Variants in WDFY3 observed in about 807,000 individuals in gnomAD.
WDFY3 encodes WD repeat and FYVE domain containing 3, also known as WD repeat and FYVE domain-containing protein 3.
WDFY3 carries 66 observed loss-of-function variants against 409.6 expected under a neutral mutation model. That is an observed-to-expected ratio of 0.16 (90% CI 0.13 to 0.20). The LOEUF is 0.20. Ranked by LOEUF, WDFY3 falls within the 10% of genes least tolerant of loss-of-function variation. The pLI, the probability that WDFY3 is intolerant of heterozygous loss-of-function variation, is 1.00. For synonymous variants in WDFY3, 1,521 were observed against 1,537.1 expected (o/e 0.99, Z 0.25); for missense variants, 3,031 against 4,298.1 (o/e 0.71, Z 8.24).
At chr4:84,960,613 G>A (rs976588366) in intron 1 of WDFY3, among the ~76,000 whole-genome samples, 3 of 152,054 alleles carry the variant, frequency 2.0e-5, no homozygotes, top group African/African-American at 4.8e-5. Context: ...CTTATTTACA[G>A]TCTAACATGA....
At chr4:84,858,345 C>G (rs1468899617) in intron 4 of WDFY3, among the ~76,000 whole-genome samples, 8 of 152,018 alleles carry the variant, frequency 5.3e-5, no homozygotes, top group African/African-American at 1.9e-4. Context: ...GATACCACCA[C>G]AAATCAAAGA....
intron 3 of WDFY3, among the ~76,000 whole-genome samples, chr4:84,886,639 G>A (rs529705346): frequency 6.6e-6 from 1 of 152,102 alleles, no homozygotes; most frequent in Non-Finnish European, 1.5e-5. Context: ...GTATTTGTAG[G>A]AATATTTAGA....
intron 2 of WDFY3, among the ~76,000 whole-genome samples, chr4:84,915,950 A>T (rs1180195462): frequency 6.6e-6 from 1 of 152,208 alleles, no homozygotes; most frequent in Non-Finnish European, 1.5e-5. Flanking sequence ...CCACAAACTA[A>T]TGAAGAACCT....
chr4:84,698,210 T>C (rs1459219242), intron 56 of WDFY3, among the ~76,000 whole-genome samples: 2 of 151,834 alleles, frequency 1.3e-5, no homozygotes, highest in African/African-American at 2.4e-5. Context: ...GAACACTATA[T>C]GCAATTTTAA....
chr4:84,910,153 A>G (rs995226272), intron 2 of WDFY3, among the ~76,000 whole-genome samples: 5 of 152,192 alleles, frequency 3.3e-5, no homozygotes, highest in Non-Finnish European at 5.9e-5. Context: ...AACTATTTAT[A>G]TAACATTGAC....
At chr4:84,726,420 C>T (rs892883670) in intron 45 of WDFY3, among the ~76,000 whole-genome samples, 68 of 152,058 alleles carry the variant, frequency 4.5e-4, no homozygotes, top group African/African-American at 1.5e-3. Flanking sequence ...TGTTTCCATT[C>T]GTTCTGATTG....
intron 21 of WDFY3, 40 bp downstream of exon 21, chr4:84,794,479 C>T (rs1749033591): frequency 4.5e-6 from 7 of 1,555,124 alleles, no homozygotes; most frequent in Non-Finnish European, 6.1e-6. Context: ...AGTTTTAATA[C>T]TTCTATAATC....
chr4:84,848,260 A>C (rs1216485515), intron 5 of WDFY3, among the ~76,000 whole-genome samples: 1 of 152,086 alleles, frequency 6.6e-6, no homozygotes, highest in Non-Finnish European at 1.5e-5. Flanking sequence ...CTTCTAGAAA[A>C]AAAAAAATAG....
At chr4:84,771,243 T>C (rs966828108) in intron 30 of WDFY3, among the ~76,000 whole-genome samples, 2 of 152,124 alleles carry the variant, frequency 1.3e-5, no homozygotes, top group African/African-American at 4.8e-5. Context: ...GCTCAAGTGA[T>C]CCTCCCACTG....
chr4:84,918,159 A>G (rs77161160), intron 2 of WDFY3, among the ~76,000 whole-genome samples: 3,350 of 152,264 alleles, frequency 0.022, 129 homozygotes, highest in African/African-American at 0.075. Flanking sequence ...ATCTAGCAAA[A>G]CTACATAGGC....
intron 4 of WDFY3, among the ~76,000 whole-genome samples, chr4:84,856,682 G>C (rs187189436): frequency 1.5e-4 from 23 of 152,152 alleles, no homozygotes; most frequent in Admixed American, 1.4e-3. Context: ...GTCTCTCAAA[G>C]GCAAAAATCA....
chr4:84,737,166 G>C lies in WDFY3; in HGVS notation c.6757+18C>G. On this transcript the variant is annotated intron_variant, in intron 41 of 67. Coordinates refer to ENST00000295888, the MANE Select transcript of WDFY3 (RefSeq NM_014991.6). ...CCACATGTAAATCTCCTGGTGGTAT[G>C]ATCTCTGTAGGCCTTACCCAAATGA... The C allele has an allele frequency of 1.2e-6, 2 of 1,613,718 alleles. No homozygotes were observed. The highest frequency in any genetic ancestry group is 1.7e-6 in the Non-Finnish European group (2 of 1,179,844).
chr4:84,951,343 T>C (rs1773585949), intron 1 of WDFY3, among the ~76,000 whole-genome samples: 1 of 152,240 alleles, frequency 6.6e-6, no homozygotes, highest in Non-Finnish European at 1.5e-5. Context: ...CTTTCCTTTG[T>C]AACAGAAGTC....
At chr4:84,788,497 G>A (rs1747915990) in intron 22 of WDFY3, among the ~76,000 whole-genome samples, 1 of 152,136 alleles carries the variant, frequency 6.6e-6, no homozygotes, top group Admixed American at 6.5e-5. Context: ...TAAAATTAAT[G>A]AAGGAGCAAC....
At chr4:84,753,410 T>G (rs982664383) in intron 35 of WDFY3, among the ~76,000 whole-genome samples, 9 of 151,132 alleles carry the variant, frequency 6.0e-5, no homozygotes, top group Non-Finnish European at 1.5e-5. Flanking sequence ...GTAAAATAAA[T>G]GAATCAACTA....
chr4:84,759,216 A>G (rs984015423), intron 32 of WDFY3, among the ~76,000 whole-genome samples: 2 of 152,154 alleles, frequency 1.3e-5, no homozygotes, highest in Non-Finnish European at 2.9e-5. Flanking sequence ...GCCTTGCAGT[A>G]GAGTTTGAAA....
In WDFY3 at chr4:84,704,438, G is replaced by A; in HGVS notation, c.8342C>T (p.Thr2781Ile). The A allele has an allele frequency of 1.3e-5, 21 of 1,594,990 alleles. No individual in the cohort carries two copies. Among genetic ancestry groups the A allele is most frequent in the Non-Finnish European group, 1.8e-5 (21 of 1,172,648 alleles). ...YKDWEDPNGETPAYHYGTHYS... is the reference protein window; with the variant it reads ...YKDWEDPNGEIPAYHYGTHYS... ...GTGGGTCCCATAGTGGTATGCAGGA[G>A]TTTCTCCTGTTTAAGAAAATTAAAG... The change falls in exon 55 of 68, where the codon ACT becomes ATT. Residue 2781 changes from threonine (T) to isoleucine (I), a missense_variant. Physicochemically the swap from Thr to Ile is moderately conservative, Grantham distance 89. Coordinates refer to ENST00000295888, the MANE Select transcript of WDFY3 (RefSeq NM_014991.6).
chr4:84,958,581 G>A (rs1223253846), intron 1 of WDFY3, among the ~76,000 whole-genome samples: 6 of 152,132 alleles, frequency 3.9e-5, no homozygotes, highest in Non-Finnish European at 7.4e-5. Flanking sequence ...TAGAAAGAAA[G>A]GCTCAGAGGC....
chr4:84,712,964 A>G (rs1420195029), intron 51 of WDFY3, among the ~76,000 whole-genome samples, 195 bp downstream of exon 51: 1 of 152,188 alleles, frequency 6.6e-6, no homozygotes, highest in African/African-American at 2.4e-5. Context: ...TAATTGATCA[A>G]AATGTGAGCA....
Sources: gnomAD v4.1 joint callset for allele counts (sites outside exome capture counted in the v4.1 genomes callset) on GRCh38, gnomAD v4.1.1 for gene constraint, MANE v1.5 for transcripts, NCBI Gene and HGNC (gene_info 2026-07-23, HGNC 2026-07-21) for gene names.